Variants in NPLOC4 observed in about 807,000 individuals in gnomAD.
NPLOC4 encodes the protein nuclear protein localization protein 4 homolog.
A neutral mutation model predicts 80.6 loss-of-function variants in NPLOC4; 18 were observed. The observed-to-expected ratio is 0.22, with a 90% confidence interval of 0.15 to 0.33. NPLOC4 has a LOEUF of 0.33. Among genes scored for constraint, NPLOC4 ranks in the 10% least tolerant of loss-of-function variants. The pLI, the probability that NPLOC4 is intolerant of heterozygous loss-of-function variation, is 1.00. For synonymous variants in NPLOC4, 313 were observed against 301.5 expected, an observed-to-expected ratio of 1.04 and a Z score of -0.39; for missense variants, 540 against 786.1, an observed-to-expected ratio of 0.69 and a Z score of 3.74.
At position 81,580,962 on chromosome 17, in the gene NPLOC4, T is replaced by C. The variant is rs1372393693; in HGVS notation, c.1281+7982A>G. Reference sequence around the variant, plus strand: ...GCCTGGGAGAGACATGGCATGGAAGTACAAAATCCCCAGTGGCCCTGGGCC... The same window carrying C: ...GCCTGGGAGAGACATGGCATGGAAGCACAAAATCCCCAGTGGCCCTGGGCC... On this transcript the variant is annotated intron_variant, in intron 12 of 16. Coordinates refer to ENST00000331134, the MANE Select transcript of NPLOC4 (RefSeq NM_017921.4). This position sits in a 1 kb window ranked among gnomAD's most constrained non-coding sequence, Gnocchi z 4.4. 1.3e-5 allele frequency among the ~76,000 whole-genome samples: 2 copies of C among 152,138 alleles called. No individual in the cohort carries two copies. Among genetic ancestry groups the C allele is most frequent in the African/African-American group, 4.8e-5 (2 of 41,448 alleles).
At chr17:81,575,861 A>G (rs917868639) in intron 12 of NPLOC4, among the ~76,000 whole-genome samples, 3 of 152,260 alleles carry the variant, frequency 2.0e-5, no homozygotes, top group Admixed American at 1.3e-4. Context: ...TAAGTGATTC[A>G]GAATCTCTTC....
At chr17:81,633,303 AAAGCTC>A (rs1300421019) in intron 1 of NPLOC4, among the ~76,000 whole-genome samples, 1 of 152,166 alleles carries the variant, frequency 6.6e-6, no homozygotes, top group African/African-American at 2.4e-5. Context: ...CTTAAAAAGG[AAAGCTC>A]TGTTCTAATG....
rs2034410988 is a variant in NPLOC4 at position 81,580,556 on chromosome 17, T to TG, written c.1281+8387dup. On this transcript the variant is annotated intron_variant, in intron 12 of 16. Transcript: ENST00000331134. The surrounding 1 kb of genome is among the most constrained non-coding windows in gnomAD (Gnocchi z 4.4). ...GCCACCCTGCTTATCACTCTCTGTG[T>TG]GGGGAACAGGCTGCTGCCTCTGTCT... is the stretch of plus-strand genomic sequence containing the variant. 6.6e-6 allele frequency among the ~76,000 whole-genome samples: 1 copy of TG among 152,096 alleles called. No individual in the cohort carries two copies. Among genetic ancestry groups the TG allele is most frequent in the Non-Finnish European group, 1.5e-5 (1 of 68,012 alleles).
At chr17:81,564,099 C>CACACACACACAA (rs2033934044) in intron 16 of NPLOC4, 1 of 339,296 alleles carries the variant, frequency 2.9e-6, no homozygotes, top group South Asian at 2.1e-5. Context: ...CACACACACA[C>CACACACACACAA]ACACACACAC....
At chr17:81,614,958 G>C (rs1454087565) in intron 3 of NPLOC4, among the ~76,000 whole-genome samples, 5 of 152,174 alleles carry the variant, frequency 3.3e-5, no homozygotes, top group Non-Finnish European at 5.9e-5. Flanking sequence ...GAAGAGCAGA[G>C]GCCAAAGTGC....
intron 2 of NPLOC4, among the ~76,000 whole-genome samples, chr17:81,626,839 C>T (rs2035807907): frequency 6.6e-6 from 1 of 152,072 alleles, no homozygotes; most frequent in Non-Finnish European, 1.5e-5. Context: ...CCTGTAATCC[C>T]AGCACTTTGG....
At chr17:81,588,876 T>C in intron 12 of NPLOC4, 68 bp downstream of exon 12, 2 of 1,411,968 alleles carry the variant, frequency 1.4e-6, no homozygotes, top group Non-Finnish European at 1.9e-6. Context: ...GCACCCAAAT[T>C]AGAAAGGTCC....
At chr17:81,584,275 C>A (rs1475354223) in intron 12 of NPLOC4, among the ~76,000 whole-genome samples, 3 of 152,176 alleles carry the variant, frequency 2.0e-5, no homozygotes, top group Non-Finnish European at 2.9e-5. Flanking sequence ...ATAAACAATT[C>A]TGGGAAGTAT....
rs948463102 is a variant in NPLOC4 at position 81,596,311 on chromosome 17, A to T, written c.994-69T>A. 1.7e-5 allele frequency: 26 copies of T among 1,526,424 alleles called. No homozygotes were observed. In the Admixed American group the frequency reaches 4.5e-4, roughly 26 times the overall value. The allele number at this position is 1,526,424 out of a possible 1,614,324, so 94.6% of individuals were successfully genotyped here. A position where few individuals can be genotyped will look rare whatever the true frequency, so the allele number is the denominator to read the frequency against. ...CAAAATATACTTCTATTTCTTCTTT[A>T]AAAAATAAGAACTAAGCCAGGAGCA... On this transcript the variant is annotated intron_variant, in intron 10 of 16. Transcript: ENST00000331134.
chr17:81,570,662 G>A (rs1239644725), intron 13 of NPLOC4, among the ~76,000 whole-genome samples: 4 of 152,174 alleles, frequency 2.6e-5, no homozygotes, highest in Non-Finnish European at 4.4e-5. Flanking sequence ...GATGCCCCCA[G>A]AACCCACAAA....
chr17:81,628,645 G>GAA, intron 2 of NPLOC4, among the ~76,000 whole-genome samples: 1 of 152,292 alleles, frequency 6.6e-6, no homozygotes, highest in South Asian at 2.1e-4. Flanking sequence ...AGTCTGAAGA[G>GAA]AAACAACACC....
chr17:81,573,537 G>A, intron 12 of NPLOC4: 1 of 152,192 alleles, frequency 6.6e-6, no homozygotes, highest in South Asian at 2.1e-4. Flanking sequence ...TTAACAGTCA[G>A]TTACAGATCC....
At chr17:81,615,417 T>C (rs1022089660) in intron 3 of NPLOC4, among the ~76,000 whole-genome samples, 11 of 152,224 alleles carry the variant, frequency 7.2e-5, no homozygotes, top group African/African-American at 2.4e-4. Flanking sequence ...CTGTTTCTAA[T>C]AGCAGATTAC....
rs1451078465 is a variant in NPLOC4 at position 81,610,163 on chromosome 17, C to T, written c.435+47G>A. On this transcript the variant is annotated intron_variant, in intron 5 of 16. Transcript: ENST00000331134. ...CAAGCACTTAAGACAGCTGTCTACC[C>T]GCAGCCCCCCACACTGGCCCAGAAC... 8 of 1,531,126 alleles carry T rather than the reference C, an allele frequency of 5.2e-6. No homozygotes were observed. In the Admixed American group the frequency reaches 5.9e-5, roughly 11 times the overall value. 94.8% of individuals were successfully genotyped at this position (1,531,126 alleles called of 1,614,324 possible).
At chr17:81,560,463 C>CT (rs1377598607) in intron 16 of NPLOC4, 1 of 152,152 alleles carries the variant, frequency 6.6e-6, no homozygotes, top group Non-Finnish European at 1.5e-5. Flanking sequence ...AATCCCAGCA[C>CT]TTTGGGAGGC....
chr17:81,592,741 T>A (rs2034783306), intron 11 of NPLOC4, among the ~76,000 whole-genome samples: 1 of 152,210 alleles, frequency 6.6e-6, no homozygotes, highest in Non-Finnish European at 1.5e-5. Flanking sequence ...CCCAGGACTT[T>A]TTGAGGCCGA....
At chr17:81,571,061 A>T (rs1470051404) in intron 13 of NPLOC4, among the ~76,000 whole-genome samples, 1 of 152,016 alleles carries the variant, frequency 6.6e-6, no homozygotes, top group African/African-American at 2.4e-5. Context: ...ATTACACCCT[A>T]GGTAGTCTAA....
chr17:81,623,848 T>C (rs1053140620), intron 2 of NPLOC4, among the ~76,000 whole-genome samples: 3 of 151,804 alleles, frequency 2.0e-5, no homozygotes, highest in African/African-American at 7.3e-5. Context: ...CACAGAATGG[T>C]GCGACTAAAT....
chr17:81,560,431 G>A (rs575974599), intron 16 of NPLOC4: 12 of 152,036 alleles, frequency 7.9e-5, no homozygotes, highest in South Asian at 6.2e-4. Flanking sequence ...ACAACAGGCC[G>A]GGCGCGGTGG....
Sources: allele counts gnomAD v4.1 joint callset (sites outside exome capture counted in the v4.1 genomes callset), GRCh38; gene constraint gnomAD v4.1.1; non-coding constraint Gnocchi (gnomAD v3.1); transcripts MANE v1.5; gene names NCBI Gene and HGNC (gene_info 2026-07-23, HGNC 2026-07-21).